KCTD17: variants seen among roughly 807,000 people sequenced by gnomAD.
KCTD17 encodes the protein BTB/POZ domain-containing protein KCTD17.
A neutral mutation model predicts 41.5 loss-of-function variants in KCTD17; 20 were observed. The observed-to-expected ratio is 0.48, with a 90% CI of 0.34 to 0.70. KCTD17 has a LOEUF of 0.70. Among genes scored for constraint, KCTD17 ranks in the 30% least tolerant of loss-of-function variants. KCTD17 has a pLI of 0.01. For missense variants in KCTD17, 317 were observed against 427.2 expected, an observed-to-expected ratio of 0.74 and a Z score of 2.27; for synonymous variants, 156 against 173.8, an observed-to-expected ratio of 0.90 and a Z score of 0.80.
Position 37,062,861 on chromosome 22 carries a change from TG to T in KCTD17, c.*269del. 1.5e-6 allele frequency: 1 copy of T among 649,774 alleles called. No homozygotes were observed. Among genetic ancestry groups the T allele is most frequent in the South Asian group, 2.1e-5 (1 of 47,120 alleles). 40.3% of individuals were successfully genotyped at this position (649,774 alleles called of 1,614,324 possible). A position where few individuals can be genotyped will look rare whatever the true frequency, so the allele number is the denominator to read the frequency against. On this transcript the variant is annotated 3_prime_UTR_variant, in exon 9 of 9. Coordinates refer to ENST00000403888, the MANE Select transcript of KCTD17 (RefSeq NM_001282684.2). ...TCTCCCGGGCTCCCCTGCTGCATGG[TG>T]GATGTGCTCCTTCCTGGCCCGGTCA... is the stretch of plus-strand genomic sequence containing the variant.
chr22:37,052,772 C>T, intron 1 of KCTD17: 1 of 431,194 alleles, frequency 2.3e-6, no homozygotes. Context: ...CAGGGGACAG[C>T]CTCTCAGAGG....
rs370992567 is a variant in KCTD17 at position 37,053,108 on chromosome 22, C to T, written c.198C>T (p.Thr66=). 20 of 1,587,990 alleles carry T rather than the reference C, an allele frequency of 1.3e-5. No homozygotes were observed. Among genetic ancestry groups the T allele is most frequent in the Middle Eastern group, 1.7e-4 (1 of 6,044 alleles). The change falls in exon 2 of 9, where the codon ACC becomes ACT. Residue 66 remains threonine, a synonymous_variant. Coordinates refer to ENST00000403888, the MANE Select transcript of KCTD17 (RefSeq NM_001282684.2). The surrounding 1 kb of genome is among the most constrained non-coding windows in gnomAD (Gnocchi z 4.1). ...GEELQSDRDE[T]GAYLIDRDPT... The stretch of plus-strand genomic sequence containing the variant: ...ATCCCTCACCTCCATAGGATGAGAC[C>T]GGGGCCTACCTCATTGACCGTGACC...
In KCTD17 at chr22:37,062,413, T is replaced by TC; in HGVS notation, c.876-111dup. 4.8e-6 allele frequency: 6 copies of TC among 1,252,858 alleles called. No individual in the cohort carries two copies. The South Asian group carries it at 5.8e-5, about 12-fold the overall frequency. 77.6% of individuals were successfully genotyped at this position (1,252,858 alleles called of 1,614,324 possible). On this transcript the variant is annotated intron_variant, in intron 8 of 8. Transcript: ENST00000403888. ...ACTCAACTGCCTCTCTCTCTCTCCC[T>TC]CTCCCCCACCCGTCAATCTCCTCTC...
chr22:37,052,527 G>T (rs1009836691), intron 1 of KCTD17: 16 of 468,318 alleles, frequency 3.4e-5, no homozygotes, highest in Non-Finnish European at 5.3e-5. Context: ...TAACACGAAG[G>T]GCTGGTCTGA....
chr22:37,052,511 CA>C, intron 1 of KCTD17: 1 of 466,538 alleles, frequency 2.1e-6, no homozygotes, highest in South Asian at 1.5e-5. Context: ...CCTCCTTCCT[CA>C]TCTGTAACAC....
Position 37,062,729 on chromosome 22 carries a change from G to C in KCTD17, c.*135G>C, listed in dbSNP as rs888866375. The C allele has an allele frequency of 4.0e-6, 6 of 1,487,400 alleles. 1 individual carries two copies. In the South Asian group the frequency reaches 8.0e-5, roughly 20 times the overall value. The allele number at this position is 1,487,400 out of a possible 1,614,324, so 92.1% of individuals were successfully genotyped here. On this transcript the variant is annotated 3_prime_UTR_variant, in exon 9 of 9. Transcript: ENST00000403888. ...CCAGGGGCGGGGCGGGGCCCCCCTG[G>C]GACCTCTTAAGGCCCAAGGTGGGCC...
chr22:37,062,344 C>T, intron 8 of KCTD17, 181 bp from the exon 9 acceptor site: 1 of 985,246 alleles, frequency 1.0e-6, no homozygotes, highest in Non-Finnish European at 1.2e-6. Context: ...AATCCACCTT[C>T]TTTGGGCCTC....
At chr22:37,059,983 C>G (rs1033632935) in intron 5 of KCTD17, among the ~76,000 whole-genome samples, 6 of 152,236 alleles carry the variant, frequency 3.9e-5, no homozygotes, top group Non-Finnish European at 8.8e-5. Context: ...CTTGGCTGCT[C>G]TGCAGGATAG....
In KCTD17 at chr22:37,059,414, C is replaced by T. The variant is rs748740845; in HGVS notation, c.588C>T (p.Ser196=). 102 of 1,611,232 alleles carry T rather than the reference C, an allele frequency of 6.3e-5. No individual in the cohort carries two copies. Among genetic ancestry groups the T allele is most frequent in the Non-Finnish European group, 8.5e-5 (100 of 1,179,684 alleles). ...KELHSTPNGL[S]SESSRKTKST... ...TCCACAGCACCCCAAACGGGCTGAG[C>T]TCAGAGTCCAGCCGCAAAACCAAGG... The change falls in exon 5 of 9, where the codon AGC becomes AGT. Residue 196 remains serine (S), a synonymous_variant. Transcript: ENST00000403888.
In KCTD17 at chr22:37,059,087, G is replaced by C. The variant is rs1052389327; in HGVS notation, c.487-226G>C. Among the ~76,000 whole-genome samples the C allele has an allele frequency of 3.9e-5, 6 of 152,302 alleles. No individual in the cohort carries two copies. In the East Asian group the frequency reaches 1.2e-3, roughly 29 times the overall value. ...ACCAGGGATCGGGCCAGCCAAGCCA[G>C]GCGGAGGGGCTGGTCCTGGGGCACA... is the stretch of plus-strand genomic sequence containing the variant. On this transcript the variant is annotated intron_variant, in intron 4 of 8. Transcript: ENST00000403888.
rs968116199 is a variant in KCTD17 at position 37,062,116 on chromosome 22, A to G, written c.876-409A>G. On this transcript the variant is annotated intron_variant, in intron 8 of 8. Transcript: ENST00000403888. ...AGTCACTGTCCCTCTCTGGGCCACA[A>G]TTGCCTCTAAAATTGGGACAGACAG... 6 of 983,224 alleles carry G rather than the reference A, an allele frequency of 6.1e-6. No homozygotes were observed. The South Asian group carries it at 1.4e-4, about 23-fold the overall frequency. 60.9% of individuals were successfully genotyped at this position (983,224 alleles called of 1,614,324 possible).
In KCTD17 at chr22:37,059,318, G is replaced by A. The variant is rs1253744417; in HGVS notation, c.492G>A (p.Val164=). 1 of 1,612,732 alleles carries A rather than the reference G, an allele frequency of 6.2e-7. No homozygotes were observed. The highest frequency in any genetic ancestry group is 2.2e-5 in the East Asian group (1 of 44,890). ...MSDGWRFEQL[V]NIGSSYNYGS... ...CCCATGCTCCGCCCCTCTAGCTGGT[G>A]AACATCGGCTCCTCCTACAACTACG... is the stretch of plus-strand genomic sequence containing the variant. Residue 164 remains valine (V), a synonymous_variant, in exon 5 of 9, where the codon GTG becomes GTA. Coordinates refer to ENST00000403888, the MANE Select transcript of KCTD17 (RefSeq NM_001282684.2).
chr22:37,061,016 G>A lies in KCTD17; in HGVS notation c.713-88G>A. 6.5e-7 allele frequency: 1 copy of A among 1,548,354 alleles called. No individual in the cohort carries two copies. The highest frequency in any genetic ancestry group is 1.2e-5 in the South Asian group (1 of 83,856). The stretch of plus-strand genomic sequence containing the variant: ...CCAGCTGCAGAACCGGGGGCCCCGG[G>A]GCTGCTGGGGGGGCACCAGGGTTAG... On this transcript the variant is annotated intron_variant, in intron 6 of 8. Coordinates refer to ENST00000403888, the MANE Select transcript of KCTD17 (RefSeq NM_001282684.2). This position sits in a 1 kb window ranked among gnomAD's most constrained non-coding sequence, Gnocchi z 6.6.
intron 2 of KCTD17, among the ~76,000 whole-genome samples, chr22:37,055,928 C>T (rs1601487790): frequency 6.6e-6 from 1 of 152,182 alleles, no homozygotes; most frequent in East Asian, 1.9e-4. Context: ...TGTAATGCAC[C>T]TGGCACTTAG....
At chr22:37,062,420 C>T in intron 8 of KCTD17, 105 bp from the exon 9 acceptor site, 13 of 1,353,132 alleles carry the variant, frequency 9.6e-6, no homozygotes, top group Non-Finnish European at 8.7e-6. Context: ...CCCTCTCCCC[C>T]ACCCGTCAAT....
chr22:37,054,808 G>A (rs1458288795), intron 2 of KCTD17, among the ~76,000 whole-genome samples: 1 of 152,172 alleles, frequency 6.6e-6, no homozygotes, highest in Non-Finnish European at 1.5e-5. Context: ...TCGTAATCAG[G>A]CAGCTGCACT....
chr22:37,062,693 T>C lies in KCTD17; in HGVS notation c.*99T>C. Reference sequence around the variant, plus strand: ...TGTCTGCACCCGTGGGGCTGTGACTTACTCCTGCCTCCAGGGGCGGGGCGG... The same window carrying C: ...TGTCTGCACCCGTGGGGCTGTGACTCACTCCTGCCTCCAGGGGCGGGGCGG... On this transcript the variant is annotated 3_prime_UTR_variant, in exon 9 of 9. Transcript: ENST00000403888. 1 of 1,538,104 alleles carries C rather than the reference T, an allele frequency of 6.5e-7. No individual in the cohort carries two copies. Among genetic ancestry groups the C allele is most frequent in the East Asian group, 2.4e-5 (1 of 40,930 alleles).
chr22:37,060,899 T>C lies in KCTD17; in HGVS notation c.689T>C (p.Val230Ala). ...GAGGTGGAGGTGGAACAGGTGCAGG[T>C]GGAGGCAGATGCACAGGAGAAAGGT... is the stretch of plus-strand genomic sequence containing the variant. Reference protein sequence around the residue: ...VEEVEVEQVQVEADAQEKAQS... With the variant: ...VEEVEVEQVQAEADAQEKAQS... The change falls in exon 6 of 9, where the codon GTG becomes GCG. Residue 230 changes from valine (V) to alanine (A), a missense_variant. Val to Ala is a moderately conservative substitution (Grantham distance 64). This residue lies in a region of KCTD17 where 177 missense variants were observed against 194.4 expected (regional missense o/e 0.91). Transcript: ENST00000403888. The C allele has an allele frequency of 3.9e-6, 6 of 1,542,106 alleles. No homozygotes were observed. Among genetic ancestry groups the C allele is most frequent in the Non-Finnish European group, 5.3e-6 (6 of 1,142,200 alleles).
Position 37,061,011 on chromosome 22 carries a change from C to T in KCTD17, c.712+89C>T. The T allele has an allele frequency of 6.5e-7, 1 of 1,547,770 alleles. No individual in the cohort carries two copies. Among genetic ancestry groups the T allele is most frequent in the Non-Finnish European group, 8.7e-7 (1 of 1,144,246 alleles). On this transcript the variant is annotated intron_variant, in intron 6 of 8. Coordinates refer to ENST00000403888, the MANE Select transcript of KCTD17 (RefSeq NM_001282684.2). The surrounding 1 kb of genome is among the most constrained non-coding windows in gnomAD (Gnocchi z 6.6). Reference sequence around the variant, plus strand: ...TGGAGCCAGCTGCAGAACCGGGGGCCCCGGGGCTGCTGGGGGGGCACCAGG... The same window carrying T: ...TGGAGCCAGCTGCAGAACCGGGGGCTCCGGGGCTGCTGGGGGGGCACCAGG...
Sources: allele counts gnomAD v4.1 joint callset (sites outside exome capture counted in the v4.1 genomes callset), GRCh38; gene constraint gnomAD v4.1.1; regional missense constraint gnomAD v4.1.1; non-coding constraint Gnocchi (gnomAD v3.1); transcripts MANE v1.5; gene names NCBI Gene and HGNC (gene_info 2026-07-23, HGNC 2026-07-21).